NYAP2: variants seen among roughly 807,000 people sequenced by gnomAD.
NYAP2 encodes the protein neuronal tyrosine-phosphorylated phosphoinositide-3-kinase adaptor 2.
In NYAP2, 23 loss-of-function variants were observed where a neutral mutation model predicts 50.4. The ratio of observed to expected loss-of-function variants is 0.46; its 90% CI spans 0.33 to 0.65. The LOEUF (loss-of-function observed/expected upper bound fraction) is 0.65. Ranked by LOEUF, NYAP2 falls within the 30% of genes least tolerant of loss-of-function variation. The probability of loss-of-function intolerance (pLI) is 0.02; values close to 1 mark genes in which losing one functional copy is unlikely to be tolerated. For missense variants in NYAP2, 885 were observed against 861.0 expected, an observed-to-expected ratio of 1.03 and a Z score of -0.35; for synonymous variants, 394 against 365.2, an observed-to-expected ratio of 1.08 and a Z score of -0.90.
At chr2:225,471,780 A>C (rs1690015251) in intron 3 of NYAP2, among the ~76,000 whole-genome samples, 1 of 152,234 alleles carries the variant, frequency 6.6e-6, no homozygotes, top group South Asian at 2.1e-4. Context: ...AAATGTGCAC[A>C]GCAAATGGCA....
At chr2:225,634,656 G>A (rs960597002) in intron 6 of NYAP2, among the ~76,000 whole-genome samples, 2 of 152,150 alleles carry the variant, frequency 1.3e-5, no homozygotes, top group African/African-American at 2.4e-5. Flanking sequence ...GCACCAAATG[G>A]TCAGGCAACC....
chr2:225,601,181 C>G (rs999521365), intron 5 of NYAP2, among the ~76,000 whole-genome samples: 4 of 149,350 alleles, frequency 2.7e-5, no homozygotes, highest in Non-Finnish European at 5.9e-5. Context: ...AGAGCAGTGA[C>G]GCGATCTTGG....
chr2:225,406,594 C>T (rs1385515370), intron 2 of NYAP2, among the ~76,000 whole-genome samples: 11 of 151,492 alleles, frequency 7.3e-5, no homozygotes, highest in African/African-American at 1.5e-4. Context: ...GAATTTAATA[C>T]TTTTCTAGAA....
intron 3 of NYAP2, among the ~76,000 whole-genome samples, chr2:225,409,896 C>T (rs1438578642): frequency 6.6e-6 from 1 of 152,072 alleles, no homozygotes; most frequent in African/African-American, 2.4e-5. Flanking sequence ...TTACTAAGTG[C>T]AAAATCCAGA....
At chr2:225,549,297 G>T in intron 4 of NYAP2, among the ~76,000 whole-genome samples, 1 of 152,140 alleles carries the variant, frequency 6.6e-6, no homozygotes, top group Admixed American at 6.5e-5. Context: ...AATTTGTATT[G>T]TAATTATCCA....
At chr2:225,611,613 T>C (rs1429117539) in intron 5 of NYAP2, among the ~76,000 whole-genome samples, 1 of 152,036 alleles carries the variant, frequency 6.6e-6, no homozygotes, top group Non-Finnish European at 1.5e-5. Flanking sequence ...AAAAATCATC[T>C]ATTATATCTT....
intron 5 of NYAP2, among the ~76,000 whole-genome samples, chr2:225,586,882 A>T (rs146518881): frequency 6.6e-6 from 1 of 152,242 alleles, no homozygotes; most frequent in African/African-American, 2.4e-5. Flanking sequence ...ACAAAGAACT[A>T]CTCGAGATTG....
At chr2:225,659,503 GT>G in the NYAP2 span, among the ~76,000 whole-genome samples, 2 of 152,154 alleles carry the variant, frequency 1.3e-5, no homozygotes, top group African/African-American at 2.4e-5. Flanking sequence ...ACCAAAGTGA[GT>G]AAGGTTACAT....
At chr2:225,699,535 G>C in the NYAP2 span, 1 of 151,838 alleles carries the variant, frequency 6.6e-6, no homozygotes, top group Non-Finnish European at 1.5e-5. Context: ...CATTCAACTA[G>C]ACCAGTTTAC....
intron 3 of NYAP2, among the ~76,000 whole-genome samples, chr2:225,485,784 G>A (rs1386872646): frequency 6.6e-6 from 1 of 152,154 alleles, no homozygotes; most frequent in African/African-American, 2.4e-5. Flanking sequence ...AGAGAAGCAT[G>A]CCATTACCTC....
intron 3 of NYAP2, among the ~76,000 whole-genome samples, chr2:225,437,932 A>T (rs549659390): frequency 5.9e-5 from 9 of 152,210 alleles, no homozygotes; most frequent in Non-Finnish European, 1.2e-4. Context: ...CCAGATCATG[A>T]TAAAGCTTCA....
intron 4 of NYAP2, among the ~76,000 whole-genome samples, chr2:225,518,858 A>C (rs1329979181): frequency 6.6e-6 from 1 of 151,650 alleles, no homozygotes; most frequent in Non-Finnish European, 1.5e-5. Context: ...ATCGGTCTAA[A>C]AATATAAAAA....
intron 4 of NYAP2, among the ~76,000 whole-genome samples, chr2:225,568,903 T>TC (rs1692013081): frequency 6.6e-6 from 1 of 152,048 alleles, no homozygotes; most frequent in Non-Finnish European, 1.5e-5. Context: ...ACTCTGAAGG[T>TC]TTCCTGAAAA....
chr2:225,641,683 C>T (rs1229233054), intron 6 of NYAP2, among the ~76,000 whole-genome samples: 1 of 151,868 alleles, frequency 6.6e-6, no homozygotes, highest in African/African-American at 2.4e-5. Context: ...CGTGGTGGCA[C>T]GTGCCTGTAA....
intron 6 of NYAP2, among the ~76,000 whole-genome samples, chr2:225,630,857 C>T (rs1693300579): frequency 6.6e-6 from 1 of 152,136 alleles, no homozygotes; most frequent in South Asian, 2.1e-4. Flanking sequence ...ATGTGAGATG[C>T]GGAGCAAGAT....
At chr2:225,452,155 G>T (rs1689664098) in intron 3 of NYAP2, among the ~76,000 whole-genome samples, 1 of 152,180 alleles carries the variant, frequency 6.6e-6, no homozygotes. Context: ...TTTATAATCT[G>T]AGGGACTTGG....
At chr2:225,567,175 C>T (rs1691976405) in intron 4 of NYAP2, among the ~76,000 whole-genome samples, 1 of 151,968 alleles carries the variant, frequency 6.6e-6, no homozygotes, top group Admixed American at 6.6e-5. Context: ...TGGTAAGTAT[C>T]TGCATATCTA....
At chr2:225,644,595 A>G (rs572411502) in intron 6 of NYAP2, among the ~76,000 whole-genome samples, 2 of 149,198 alleles carry the variant, frequency 1.3e-5, no homozygotes, top group South Asian at 4.4e-4. Flanking sequence ...TAAGTCTTTA[A>G]TCCATCTTGA....
intron 4 of NYAP2, among the ~76,000 whole-genome samples, chr2:225,552,683 G>A (rs1468066310): frequency 1.3e-5 from 2 of 152,084 alleles, no homozygotes; most frequent in African/African-American, 2.4e-5. Context: ...GAGAAACAAG[G>A]TTTTGTTTGT....
Sources: allele counts gnomAD v4.1 joint callset (sites outside exome capture counted in the v4.1 genomes callset), GRCh38; gene constraint gnomAD v4.1.1; transcripts MANE v1.5; gene names NCBI Gene and HGNC (gene_info 2026-07-23, HGNC 2026-07-21).